The following CDKAL1 variants were observed in gnomAD, a reference collection of about 807,000 sequenced individuals.
CDKAL1 encodes the protein threonylcarbamoyladenosine tRNA methylthiotransferase.
A neutral mutation model predicts 68.2 loss-of-function variants in CDKAL1; 32 were observed. The ratio of observed to expected loss-of-function variants is 0.47; its 90% CI spans 0.35 to 0.63. The LOEUF (loss-of-function observed/expected upper bound fraction) is 0.63, where lower values mean the gene tolerates loss of function less well. Among genes scored for constraint, CDKAL1 ranks in the 30% least tolerant of loss-of-function variants. The pLI, the probability that CDKAL1 is intolerant of heterozygous loss-of-function variation, is 0.00. For missense variants in CDKAL1, 606 were observed against 696.7 expected (o/e 0.87, Z 1.47); for synonymous variants, 234 against 244.3 (o/e 0.96, Z 0.39).
intron 9 of CDKAL1, among the ~76,000 whole-genome samples, chr6:20,863,086 C>A (rs376272940): frequency 3.3e-5 from 5 of 152,168 alleles, no homozygotes; most frequent in African/African-American, 9.7e-5. Flanking sequence ...GCATACAGAT[C>A]CCCTGGGAAT....
At chr6:20,866,269 G>A (rs1759902784) in intron 9 of CDKAL1, among the ~76,000 whole-genome samples, 1 of 152,036 alleles carries the variant, frequency 6.6e-6, no homozygotes, top group African/African-American at 2.4e-5. Context: ...TGTACAACAG[G>A]ACTGAATAAA....
intron 12 of CDKAL1, among the ~76,000 whole-genome samples, chr6:21,074,983 T>A (rs998567734): frequency 1.3e-5 from 2 of 152,022 alleles, no homozygotes; most frequent in Non-Finnish European, 2.9e-5. Flanking sequence ...ACCTCCCCAC[T>A]TCTGAGTCTC....
At chr6:20,584,548 C>T (rs1282284264) in intron 4 of CDKAL1, among the ~76,000 whole-genome samples, 1 of 152,070 alleles carries the variant, frequency 6.6e-6, no homozygotes, top group South Asian at 2.1e-4. Flanking sequence ...AACTGTGATC[C>T]CTTTTCTTCT....
intron 11 of CDKAL1, among the ~76,000 whole-genome samples, chr6:21,041,346 G>A (rs1049361090): frequency 4.6e-5 from 7 of 152,246 alleles, no homozygotes; most frequent in Non-Finnish European, 7.4e-5. Context: ...CTGGGAACAC[G>A]TACATGAATA....
At chr6:20,758,520 C>A in intron 6 of CDKAL1, 75 bp from the exon 7 acceptor site, 1 of 1,250,136 alleles carries the variant, frequency 8.0e-7, no homozygotes, top group Non-Finnish European at 1.1e-6. Context: ...GTAACATTGA[C>A]TCAAGCATAA....
intron 10 of CDKAL1, among the ~76,000 whole-genome samples, chr6:20,977,528 A>G (rs1384012709): frequency 2.0e-5 from 3 of 152,162 alleles, no homozygotes; most frequent in African/African-American, 7.2e-5. Context: ...AGTTTGGTCT[A>G]TATTATCTCC....
chr6:21,086,981 C>T (rs959198760), intron 12 of CDKAL1, among the ~76,000 whole-genome samples: 1 of 152,152 alleles, frequency 6.6e-6, no homozygotes, highest in African/African-American at 2.4e-5. Context: ...AATGGCACCC[C>T]AAACCTCTGT....
chr6:20,754,379 C>T (rs1038537434), intron 6 of CDKAL1, among the ~76,000 whole-genome samples: 4 of 152,106 alleles, frequency 2.6e-5, no homozygotes, highest in African/African-American at 7.2e-5. Context: ...ATACAATTGA[C>T]CACTGTAACC....
intron 7 of CDKAL1, among the ~76,000 whole-genome samples, chr6:20,768,602 T>C (rs1424902790): frequency 1.3e-5 from 2 of 152,152 alleles, no homozygotes; most frequent in Admixed American, 1.3e-4. Context: ...GCCCAGTTCT[T>C]GGACTCTTTT....
At chr6:20,836,077 T>C (rs1777927571) in intron 8 of CDKAL1, among the ~76,000 whole-genome samples, 1 of 152,048 alleles carries the variant, frequency 6.6e-6, no homozygotes, top group South Asian at 2.1e-4. Flanking sequence ...CTCCCTCCTA[T>C]GTAGATGAAA....
chr6:20,746,225 G>T (rs928118753), intron 6 of CDKAL1, among the ~76,000 whole-genome samples: 1 of 152,116 alleles, frequency 6.6e-6, no homozygotes, highest in African/African-American at 2.4e-5. Flanking sequence ...CTCAGTATTA[G>T]TCACTCACTG....
intron 9 of CDKAL1, among the ~76,000 whole-genome samples, chr6:20,877,680 A>C (rs752363857): frequency 3.0e-4 from 46 of 152,340 alleles, no homozygotes; most frequent in Non-Finnish European, 4.7e-4. Context: ...ACTCATGCAC[A>C]CATGACTCAT....
At chr6:21,157,784 C>T (rs1436454333) in intron 13 of CDKAL1, among the ~76,000 whole-genome samples, 1 of 152,194 alleles carries the variant, frequency 6.6e-6, no homozygotes, top group Non-Finnish European at 1.5e-5. Flanking sequence ...ACTGGCAGAG[C>T]ACCTGGGTGT....
At chr6:20,638,349 T>C (rs1767998357) in intron 4 of CDKAL1, among the ~76,000 whole-genome samples, 1 of 152,228 alleles carries the variant, frequency 6.6e-6, no homozygotes, top group Non-Finnish European at 1.5e-5. Context: ...CATTTTTTCA[T>C]GAACTCTCAG....
At chr6:21,159,166 A>G (rs567341037) in intron 13 of CDKAL1, among the ~76,000 whole-genome samples, 3 of 147,004 alleles carry the variant, frequency 2.0e-5, no homozygotes, top group Non-Finnish European at 3.0e-5. Flanking sequence ...AGCAGTTTCT[A>G]TAGTATTCTT....
At chr6:20,673,181 C>G (rs948566407) in intron 5 of CDKAL1, among the ~76,000 whole-genome samples, 1 of 152,194 alleles carries the variant, frequency 6.6e-6, no homozygotes, top group Non-Finnish European at 1.5e-5. Context: ...TTCAGCTCTA[C>G]TTCTGTGTCT....
At chr6:20,963,605 T>C (rs1329318383) in intron 10 of CDKAL1, among the ~76,000 whole-genome samples, 2 of 152,228 alleles carry the variant, frequency 1.3e-5, no homozygotes, top group African/African-American at 4.8e-5. Flanking sequence ...TCAGAACAGA[T>C]TGCACTTTGT....
At chr6:21,068,106 T>G (rs981268094) in intron 12 of CDKAL1, among the ~76,000 whole-genome samples, 43 of 152,328 alleles carry the variant, frequency 2.8e-4, no homozygotes, top group African/African-American at 9.9e-4. Flanking sequence ...ATTTACGTAT[T>G]CTGGCTACAG....
At chr6:20,880,255 A>AT (rs55852233) in intron 9 of CDKAL1, among the ~76,000 whole-genome samples, 41 of 151,316 alleles carry the variant, frequency 2.7e-4, no homozygotes, top group African/African-American at 3.9e-4. Flanking sequence ...AAGAAACTAC[A>AT]TTTTTTTTTG....
Sources: gnomAD v4.1 joint callset for allele counts (sites outside exome capture counted in the v4.1 genomes callset) on GRCh38, gnomAD v4.1.1 for gene constraint, MANE v1.5 for transcripts, NCBI Gene and HGNC (gene_info 2026-07-23, HGNC 2026-07-21) for gene names.